Variants in RYR2 observed in about 807,000 individuals in gnomAD.
RYR2 encodes cardiac muscle ryanodine receptor-calcium release channel.
A neutral mutation model predicts 601.1 loss-of-function variants in RYR2; 227 were observed. The ratio of observed to expected loss-of-function variants is 0.38; its 90% CI spans 0.34 to 0.42. The LOEUF is 0.42. Among genes scored for constraint, RYR2 ranks in the 10% least tolerant of loss-of-function variants. The probability of loss-of-function intolerance (pLI) is 1.00; values close to 1 mark genes in which losing one functional copy is unlikely to be tolerated. For synonymous variants in RYR2, 2,223 were observed against 2,175.1 expected, an observed-to-expected ratio of 1.02 and a Z score of -0.61; for missense variants, 4,646 against 6,156.5, an observed-to-expected ratio of 0.75 and a Z score of 8.21.
chr1:237,272,230 G>A (rs893760489), intron 2 of RYR2, among the ~76,000 whole-genome samples: 2 of 152,094 alleles, frequency 1.3e-5, no homozygotes, highest in South Asian at 4.1e-4. Flanking sequence ...GACTTTTATA[G>A]CTAACTATGT....
At chr1:237,642,643 T>C (rs1170929992) in intron 47 of RYR2, among the ~76,000 whole-genome samples, 1 of 152,216 alleles carries the variant, frequency 6.6e-6, no homozygotes, top group African/African-American at 2.4e-5. Flanking sequence ...GTGCCAGAAA[T>C]TGTGCTTGAG....
At chr1:237,053,642 C>G (rs1661565528) in intron 1 of RYR2, among the ~76,000 whole-genome samples, 1 of 152,246 alleles carries the variant, frequency 6.6e-6, no homozygotes, top group African/African-American at 2.4e-5. Flanking sequence ...GGACTGCCTG[C>G]TACGTGCCAT....
intron 1 of RYR2, among the ~76,000 whole-genome samples, chr1:237,194,403 T>C (rs1422640143): frequency 6.6e-6 from 1 of 152,140 alleles, no homozygotes; most frequent in African/African-American, 2.4e-5. Context: ...GGCAAGGAGC[T>C]CATAGTGCAG....
chr1:237,744,800 ATT>A (rs111625810), intron 80 of RYR2, among the ~76,000 whole-genome samples: 31 of 136,284 alleles, frequency 2.3e-4, no homozygotes, highest in Middle Eastern at 3.8e-3. Context: ...TTCCTTTGTA[ATT>A]TTTTTTTTTT....
chr1:237,432,143 G>A (rs1318346650), intron 12 of RYR2, among the ~76,000 whole-genome samples: 1 of 150,888 alleles, frequency 6.6e-6, no homozygotes, highest in Admixed American at 6.6e-5. Flanking sequence ...GCTTTTACAA[G>A]CAGATGAATT....
At chr1:237,420,525 C>G (rs1705454706) in intron 11 of RYR2, among the ~76,000 whole-genome samples, 1 of 150,578 alleles carries the variant, frequency 6.6e-6, no homozygotes, top group Admixed American at 6.6e-5. Context: ...GCCTTGCCCT[C>G]TCATTTGGGA....
chr1:237,213,667 C>T (rs115909403), intron 1 of RYR2, among the ~76,000 whole-genome samples: 3,814 of 152,044 alleles, frequency 0.025, 79 homozygotes, highest in Non-Finnish European at 0.039. Flanking sequence ...AATTGCTTTT[C>T]TTAGTTTGTA....
At chr1:237,144,493 A>G (rs1661611796) in intron 1 of RYR2, among the ~76,000 whole-genome samples, 1 of 152,172 alleles carries the variant, frequency 6.6e-6, no homozygotes, top group Admixed American at 6.5e-5. Context: ...TTCCAAAGAG[A>G]TGTTTCTCAG....
intron 97 of RYR2, among the ~76,000 whole-genome samples, chr1:237,799,752 A>G (rs1659729164): frequency 1.3e-5 from 2 of 152,202 alleles, no homozygotes; most frequent in Non-Finnish European, 2.9e-5. Context: ...TGATTTATAT[A>G]TTTATTTATC....
intron 101 of RYR2, among the ~76,000 whole-genome samples, chr1:237,824,106 G>A (rs1030989134): frequency 6.6e-6 from 1 of 152,172 alleles, no homozygotes; most frequent in East Asian, 1.9e-4. Context: ...GGTACAAAGA[G>A]GAGCTGGTAC....
rs1680240300 is a variant in RYR2, at chr1:237,631,442, C to T, written c.6456C>T (p.Asn2152=). Residue 2152 remains asparagine, a synonymous_variant, in exon 42 of 105, where the codon AAC becomes AAT. Coordinates refer to ENST00000366574, the MANE Select transcript of RYR2 (RefSeq NM_001035.3). ...TCCTTTCTAGGGATATTATGAATAA[C>T]AAAGTGTTTTACCAGCACCCTAATC... The part of the protein sequence containing the change: ...MIRGLGDIMN[N]KVFYQHPNLM... 1 of 1,612,288 alleles carries T rather than the reference C, an allele frequency of 6.2e-7. No homozygotes were observed. The highest frequency in any genetic ancestry group is 1.3e-5 in the African/African-American group (1 of 74,742).
At chr1:237,621,752 A>G (rs1679099312) in intron 38 of RYR2, among the ~76,000 whole-genome samples, 1 of 152,218 alleles carries the variant, frequency 6.6e-6, no homozygotes. Flanking sequence ...TTTACCAATT[A>G]AATATGTTTT....
chr1:237,758,662 GTCTGCTTAACTGAGCCCTTTTTAGA>G (rs1693159436), intron 82 of RYR2, among the ~76,000 whole-genome samples: 1 of 152,108 alleles, frequency 6.6e-6, no homozygotes, highest in African/African-American at 2.4e-5. Context: ...CTAAAATTTA[GTCTGCTTAACTGAGCCCTTTTTAGA>G]ACAGCATTGA....
chr1:237,208,195 T>C (rs193177900), intron 1 of RYR2, among the ~76,000 whole-genome samples: 1 of 152,354 alleles, frequency 6.6e-6, no homozygotes, highest in East Asian at 1.9e-4. Context: ...TAGCTGATCA[T>C]TTTGAAGTTA....
At position 237,711,851 on chromosome 1, in the gene RYR2, C is replaced by T. The variant is rs1219681682; in HGVS notation, c.10323+14C>T. The T allele has an allele frequency of 8.9e-7, 1 of 1,126,002 alleles. No individual in the cohort carries two copies. Among genetic ancestry groups the T allele is most frequent in the South Asian group, 1.3e-5 (1 of 76,680 alleles). The allele number at this position is 1,126,002 out of a possible 1,614,324, so 69.8% of individuals were successfully genotyped here. ...AAGATGTCAAAGGTATTACTATAAA[C>T]TGTTTCACTGTTCTGGAAAATATCT... On this transcript the variant is annotated intron_variant, in intron 71 of 104. Transcript: ENST00000366574.
At chr1:237,397,459 G>A (rs1558749587) in intron 10 of RYR2, among the ~76,000 whole-genome samples, 1 of 152,152 alleles carries the variant, frequency 6.6e-6, no homozygotes, top group African/African-American at 2.4e-5. Flanking sequence ...CAAGTCATAA[G>A]TGAATACATG....
chr1:237,627,266 A>G (rs1003112177), intron 40 of RYR2, among the ~76,000 whole-genome samples: 1 of 152,228 alleles, frequency 6.6e-6, no homozygotes, highest in African/African-American at 2.4e-5. Flanking sequence ...TAAATTCACA[A>G]TCAAATCCTT....
chr1:237,515,672 TTTCCTTCC>T (rs71180028), intron 24 of RYR2, among the ~76,000 whole-genome samples: 14 of 104,878 alleles, frequency 1.3e-4, no homozygotes, highest in Admixed American at 4.4e-4. Flanking sequence ...CCTCCCTTTT[TTTCCTTCC>T]TTCCTTCCTT....
At chr1:237,608,541 T>G (rs1368965347) in intron 35 of RYR2, among the ~76,000 whole-genome samples, 1 of 151,976 alleles carries the variant, frequency 6.6e-6, no homozygotes, top group Non-Finnish European at 1.5e-5. Flanking sequence ...CTACAAAAAA[T>G]AAAAAATTAT....
Sources: gnomAD v4.1 joint callset for allele counts (sites outside exome capture counted in the v4.1 genomes callset) on GRCh38, gnomAD v4.1.1 for gene constraint, MANE v1.5 for transcripts, NCBI Gene and HGNC (gene_info 2026-07-23, HGNC 2026-07-21) for gene names.